PDE4D: variants seen among roughly 807,000 people sequenced by gnomAD.
PDE4D encodes the protein phosphodiesterase 4D, also known as 3',5'-cyclic-AMP phosphodiesterase 4D.
A neutral mutation model predicts 87.4 loss-of-function variants in PDE4D; 24 were observed. The observed-to-expected ratio is 0.27, with a 90% CI of 0.20 to 0.39. The LOEUF (loss-of-function observed/expected upper bound fraction) is 0.39, where lower values mean the gene tolerates loss of function less well. Ranked by LOEUF, PDE4D falls within the 10% of genes least tolerant of loss-of-function variation. The pLI is 1.00. For synonymous variants in PDE4D, 384 were observed against 383.2 expected, an observed-to-expected ratio of 1.00 and a Z score of -0.02; for missense variants, 714 against 1,041.0, an observed-to-expected ratio of 0.69 and a Z score of 4.32.
intron 5 of PDE4D, among the ~76,000 whole-genome samples, chr5:59,112,981 A>G (rs1772946497): frequency 6.6e-6 from 1 of 151,866 alleles, no homozygotes; most frequent in Admixed American, 6.6e-5. Flanking sequence ...TTGTATTTTT[A>G]GTAGCGATGG....
At chr5:59,200,070 C>A (rs373907618) in intron 2 of PDE4D, among the ~76,000 whole-genome samples, 1 of 77,064 alleles carries the variant, frequency 1.3e-5, no homozygotes, top group Non-Finnish European at 3.1e-5. Context: ...TGTACACACA[C>A]GTATGCACAC....
intron 5 of PDE4D, among the ~76,000 whole-genome samples, chr5:59,137,743 G>T (rs1273226407): frequency 6.6e-6 from 1 of 152,154 alleles, no homozygotes; most frequent in African/African-American, 2.4e-5. Flanking sequence ...AACCAGGATG[G>T]TCTGGATCTC....
chr5:60,063,095 G>GAAGA (rs34450673), intron 2 of PDE4D, among the ~76,000 whole-genome samples: 3,771 of 97,180 alleles, frequency 0.039, 98 homozygotes, highest in East Asian at 0.049. Context: ...AAGAAAGAAA[G>GAAGA]AAGAAAGAAA....
chr5:59,846,850 A>T (rs1003668893), intron 1 of PDE4D, among the ~76,000 whole-genome samples: 1 of 152,000 alleles, frequency 6.6e-6, no homozygotes, highest in African/African-American at 2.4e-5. Context: ...GTGTTGCCAG[A>T]TTTGCTGTTT....
chr5:59,629,113 G>C (rs1222214624), intron 1 of PDE4D, among the ~76,000 whole-genome samples: 2 of 152,152 alleles, frequency 1.3e-5, no homozygotes, highest in Admixed American at 6.5e-5. Context: ...CACTACACGT[G>C]CGGATTATGG....
intron 1 of PDE4D, among the ~76,000 whole-genome samples, chr5:60,362,877 AAG>A (rs1760195071): frequency 6.6e-6 from 1 of 151,964 alleles, no homozygotes; most frequent in African/African-American, 2.4e-5. Context: ...AAAAAAAAAA[AAG>A]AAATATTATT....
At chr5:60,317,083 T>C (rs1207364632) in intron 1 of PDE4D, among the ~76,000 whole-genome samples, 1 of 152,218 alleles carries the variant, frequency 6.6e-6, no homozygotes, top group African/African-American at 2.4e-5. Context: ...TCCTTGTACC[T>C]CTGGTAGAAT....
intron 1 of PDE4D, among the ~76,000 whole-genome samples, chr5:59,716,029 T>C (rs1035028719): frequency 6.6e-6 from 1 of 152,208 alleles, no homozygotes; most frequent in Non-Finnish European, 1.5e-5. Flanking sequence ...AAGGCCTGTG[T>C]CTTAGACCTG....
chr5:59,739,684 T>G (rs932518074), intron 1 of PDE4D, among the ~76,000 whole-genome samples: 2 of 152,190 alleles, frequency 1.3e-5, no homozygotes, highest in Non-Finnish European at 2.9e-5. Context: ...GCTAACAGTC[T>G]CTGAAAAGCA....
chr5:59,584,762 G>A, intron 1 of PDE4D, among the ~76,000 whole-genome samples: 1 of 152,168 alleles, frequency 6.6e-6, no homozygotes, highest in East Asian at 1.9e-4. Context: ...CTGTTGCTTT[G>A]TAGCAAGGTA....
intron 1 of PDE4D, among the ~76,000 whole-genome samples, chr5:59,546,856 A>G (rs2153686119): frequency 6.6e-6 from 1 of 152,306 alleles, no homozygotes; most frequent in South Asian, 2.1e-4. Flanking sequence ...AGTAACACCA[A>G]ATTACTGAGT....
intron 3 of PDE4D, among the ~76,000 whole-genome samples, chr5:59,951,286 A>T (rs1262422017): frequency 1.3e-5 from 2 of 152,170 alleles, no homozygotes; most frequent in Non-Finnish European, 2.9e-5. Context: ...ATGCAAAGGG[A>T]TTGAATTTTT....
chr5:59,752,821 C>T (rs1321004311), intron 1 of PDE4D, among the ~76,000 whole-genome samples: 1 of 152,064 alleles, frequency 6.6e-6, no homozygotes, highest in African/African-American at 2.4e-5. Context: ...TGTGAAGTAT[C>T]CATAGGACAC....
chr5:60,225,022 G>A (rs1374979917), intron 1 of PDE4D, among the ~76,000 whole-genome samples: 1 of 151,924 alleles, frequency 6.6e-6, no homozygotes, highest in East Asian at 1.9e-4. Flanking sequence ...CAGCATCTGG[G>A]TATTTTCCCA....
At chr5:60,378,055 G>A (rs916348805) in intron 1 of PDE4D, among the ~76,000 whole-genome samples, 4 of 152,196 alleles carry the variant, frequency 2.6e-5, no homozygotes, top group African/African-American at 4.8e-5. Context: ...TGTCCAATGG[G>A]TGAATCATAA....
In PDE4D at chr5:59,333,509, A is replaced by G. The variant is rs148487240; in HGVS notation, c.456-117541T>C. ...TGCTTTCTTTTGATTTTCCCTGTGC[A>G]GAATACCTCATAACTGTGATCCATA... On this transcript the variant is annotated intron_variant, in intron 1 of 14. Coordinates refer to ENST00000340635, the MANE Select transcript of PDE4D (RefSeq NM_001104631.2). 2.9e-3 allele frequency among the ~76,000 whole-genome samples: 441 copies of G among 152,300 alleles called. 1 individual carries two copies. The highest frequency in any genetic ancestry group is 0.01 in the African/African-American group (425 of 41,572).
chr5:59,689,239 A>G (rs1750468233), intron 1 of PDE4D, among the ~76,000 whole-genome samples: 1 of 152,320 alleles, frequency 6.6e-6, no homozygotes, highest in Admixed American at 6.5e-5. Context: ...CATTATCCTG[A>G]TACCAAAGCC....
chr5:59,224,920 G>A (rs1309371693), intron 1 of PDE4D, among the ~76,000 whole-genome samples: 1 of 152,130 alleles, frequency 6.6e-6, no homozygotes, highest in Non-Finnish European at 1.5e-5. Context: ...TTTCTGTTTA[G>A]GCCACCAGTC....
intron 1 of PDE4D, chr5:60,448,749 G>T (rs1745851177): frequency 6.6e-6 from 1 of 152,102 alleles, no homozygotes; most frequent in African/African-American, 2.4e-5. Flanking sequence ...TCTGACATTT[G>T]ATAGCATCCC....
Sources: allele counts gnomAD v4.1 joint callset (sites outside exome capture counted in the v4.1 genomes callset), GRCh38; gene constraint gnomAD v4.1.1; transcripts MANE v1.5; gene names NCBI Gene and HGNC (gene_info 2026-07-23, HGNC 2026-07-21).